PRKAR1B: variants seen among roughly 807,000 people sequenced by gnomAD.
PRKAR1B encodes protein kinase cAMP-dependent type I regulatory subunit beta.
A neutral mutation model predicts 46.5 loss-of-function variants in PRKAR1B; 22 were observed. That is an observed-to-expected ratio of 0.47 (90% CI 0.34 to 0.68). PRKAR1B has a LOEUF of 0.68. PRKAR1B is among the 30% of genes least tolerant of loss of function. The pLI is 0.01. For synonymous variants in PRKAR1B, 259 were observed against 217.7 expected, an observed-to-expected ratio of 1.19 and a Z score of -1.67; for missense variants, 445 against 535.6, an observed-to-expected ratio of 0.83 and a Z score of 1.67.
intron 9 of PRKAR1B, 125 bp downstream of exon 9, chr7:579,131 G>A (rs1780035355): frequency 1.3e-6 from 2 of 1,573,252 alleles, no homozygotes; most frequent in South Asian, 2.3e-5. Flanking sequence ...CCCCGGACGG[G>A]CGTGCGGTCA....
At chr7:698,476 G>A (rs568631212) in intron 2 of PRKAR1B, among the ~76,000 whole-genome samples, 3 of 152,008 alleles carry the variant, frequency 2.0e-5, no homozygotes, top group Admixed American at 1.3e-4. Flanking sequence ...ATCTAGGTAC[G>A]TATGTGTTAG....
At chr7:588,679 C>CGGT (rs1481262848) in intron 7 of PRKAR1B, among the ~76,000 whole-genome samples, 891 of 23,036 alleles carry the variant, frequency 0.039, 8 homozygotes, top group South Asian at 0.058. Flanking sequence ...GTGGTGATGA[C>CGGT]GATGATGGTG....
chr7:577,042 G>GGCCTCGTCCAACGCCATCAGCGGCCTCA (rs1562531421), intron 9 of PRKAR1B, among the ~76,000 whole-genome samples: 3 of 135,664 alleles, frequency 2.2e-5, no homozygotes, highest in Admixed American at 2.1e-4. Context: ...CAGCGGCCCC[G>GGCCTCGTCCAACGCCATCAGCGGCCTCA]TCCAACTCCA....
chr7:704,350 A>C (rs1243543964), intron 2 of PRKAR1B, among the ~76,000 whole-genome samples: 1 of 152,226 alleles, frequency 6.6e-6, no homozygotes, highest in Non-Finnish European at 1.5e-5. Flanking sequence ...CCGTCTCAGG[A>C]ATGAAAACCA....
chr7:597,811 G>C (rs868751941), intron 6 of PRKAR1B, among the ~76,000 whole-genome samples: 1 of 152,256 alleles, frequency 6.6e-6, no homozygotes, highest in Non-Finnish European at 1.5e-5. Context: ...GCACAGCCTG[G>C]CCTTCCGCCT....
At chr7:632,433 CG>C (rs959816116) in intron 4 of PRKAR1B, among the ~76,000 whole-genome samples, 1 of 152,128 alleles carries the variant, frequency 6.6e-6, no homozygotes, top group South Asian at 2.1e-4. Flanking sequence ...CAGGCTCCAC[CG>C]GGGGGGTCTT....
rs79302454 is a variant in PRKAR1B, at chr7:596,197, C to T, written c.657G>A (p.Thr219=). Residue 219 remains threonine (T), a synonymous_variant, in exon 7 of 11, where the codon ACG becomes ACA. Transcript: ENST00000537384. ...GGTCGATCCCCCAGAGCTTGAGGTC[C>T]GTCTTGGCTTTCACGGTCGCAGCCC... is the stretch of plus-strand genomic sequence containing the variant. ...TPRAATVKAK[T]DLKLWGIDRD... 974 of 1,614,054 alleles carry T rather than the reference C, an allele frequency of 6.0e-4. 10 individuals carry two copies. In the African/African-American group the frequency reaches 0.011, roughly 19 times the overall value.
intron 4 of PRKAR1B, among the ~76,000 whole-genome samples, 154 bp downstream of exon 4, chr7:677,075 G>A (rs1172400922): frequency 3.3e-5 from 5 of 152,074 alleles, no homozygotes; most frequent in Non-Finnish European, 7.4e-5. Flanking sequence ...GCCGGAGAAG[G>A]CAGCTGTGAT....
chr7:673,055 A>AC (rs1786357474), intron 4 of PRKAR1B, among the ~76,000 whole-genome samples: 1 of 128,912 alleles, frequency 7.8e-6, no homozygotes, highest in African/African-American at 3.1e-5. Context: ...TAAAAAAAAA[A>AC]AAAAAAAAAA....
chr7:706,463 A>G (rs78296370), intron 2 of PRKAR1B, among the ~76,000 whole-genome samples: 58,013 of 131,542 alleles, frequency 0.44, 12,975 homozygotes, highest in Non-Finnish European at 0.46. Flanking sequence ...TCGCTCTATC[A>G]CCCAGGCTAG....
At chr7:573,007 C>A (rs569060846) in intron 9 of PRKAR1B, among the ~76,000 whole-genome samples, 4 of 152,102 alleles carry the variant, frequency 2.6e-5, no homozygotes, top group Non-Finnish European at 5.9e-5. Context: ...CAGCGCCTGC[C>A]GAGAAGCCGC....
intron 4 of PRKAR1B, among the ~76,000 whole-genome samples, chr7:664,670 A>T (rs903760650): frequency 6.6e-6 from 1 of 152,090 alleles, no homozygotes; most frequent in South Asian, 2.1e-4. Flanking sequence ...ACACTATGGG[A>T]GGCTGAGGCC....
chr7:586,558 C>A (rs927218371), intron 7 of PRKAR1B, among the ~76,000 whole-genome samples: 1 of 152,208 alleles, frequency 6.6e-6, no homozygotes, highest in East Asian at 1.9e-4. Flanking sequence ...CCCATAAGAC[C>A]TTCTGATCCC....
rs777544117 is a variant in PRKAR1B, at chr7:711,266, C to G, written c.177+63G>C. 1.4e-5 allele frequency: 22 copies of G among 1,584,774 alleles called. No individual in the cohort carries two copies. The East Asian group carries it at 4.7e-4, about 34-fold the overall frequency. On this transcript the variant is annotated intron_variant, in intron 2 of 10. Transcript: ENST00000537384. ...CCACGGGACAGAGGGAAGGCTTCCC[C>G]GGCTGCCGCCTCTGCCCCAGGACAC... is the stretch of plus-strand genomic sequence containing the variant.
chr7:568,314 C>A (rs1409210226), intron 9 of PRKAR1B, among the ~76,000 whole-genome samples: 6 of 152,200 alleles, frequency 3.9e-5, no homozygotes, highest in African/African-American at 1.4e-4. Context: ...CCTCAGGAGC[C>A]TTTTCACCAA....
intron 4 of PRKAR1B, among the ~76,000 whole-genome samples, chr7:668,230 C>A (rs560155785): frequency 6.6e-6 from 1 of 152,336 alleles, no homozygotes; most frequent in South Asian, 2.1e-4. Flanking sequence ...GTGCCAGACG[C>A]CCTGTAAACT....
At chr7:670,804 G>A (rs1583394035) in intron 4 of PRKAR1B, among the ~76,000 whole-genome samples, 1 of 148,488 alleles carries the variant, frequency 6.7e-6, no homozygotes, top group Admixed American at 6.7e-5. Flanking sequence ...GACGGCCTCC[G>A]AGCTCTCCCA....
intron 2 of PRKAR1B, among the ~76,000 whole-genome samples, chr7:688,198 C>G (rs187442089): frequency 6.6e-6 from 1 of 151,292 alleles, no homozygotes; most frequent in Admixed American, 6.6e-5. Context: ...GTCAGGAGTT[C>G]GAGACCAACC....
intron 9 of PRKAR1B, among the ~76,000 whole-genome samples, chr7:576,415 G>A (rs967887206): frequency 3.3e-5 from 5 of 152,164 alleles, no homozygotes; most frequent in South Asian, 2.1e-4. Context: ...TCTACCGACC[G>A]GAAATACTGC....
Sources: allele counts gnomAD v4.1 joint callset (sites outside exome capture counted in the v4.1 genomes callset), GRCh38; gene constraint gnomAD v4.1.1; transcripts MANE v1.5; gene names NCBI Gene and HGNC (gene_info 2026-07-23, HGNC 2026-07-21).